Variants in EFCAB5 observed in about 807,000 individuals in gnomAD.
The protein encoded by EFCAB5 is EF-hand calcium binding domain 5, also known as EF-hand calcium-binding domain-containing protein 5.
Under a neutral mutation model 167.9 loss-of-function variants are expected in EFCAB5, and 131 were observed. The ratio of observed to expected loss-of-function variants is 0.78; its 90% CI spans 0.68 to 0.90. The LOEUF (loss-of-function observed/expected upper bound fraction) is 0.90. Among genes scored for constraint, EFCAB5 ranks in the 40% least tolerant of loss-of-function variants. EFCAB5 has a pLI of 0.00. For synonymous variants in EFCAB5, 574 were observed against 602.8 expected (o/e 0.95, Z 0.70); for missense variants, 1,663 against 1,745.2 (o/e 0.95, Z 0.84).
In EFCAB5 at chr17:30,083,002, A is replaced by G. The variant is rs1212291158; in HGVS notation, c.3538A>G (p.Thr1180Ala). ...GCTTTATGACGTCACATCCAGCATC[A>G]CCTCCATCACTACGTACTTTGTAGA... ...GWLYDVTSSI[T>A]SITTYFVEPS... Residue 1180 changes from threonine to alanine, a missense_variant, in exon 18 of 23, where the codon ACC becomes GCC. Coordinates refer to ENST00000394835, the MANE Select transcript of EFCAB5 (RefSeq NM_198529.4). 2 of 1,613,734 alleles carry G rather than the reference A, an allele frequency of 1.2e-6. No individual in the cohort carries two copies. Among genetic ancestry groups the G allele is most frequent in the African/African-American group, 2.7e-5 (2 of 74,846 alleles).
Position 30,053,436 on chromosome 17 carries a change from C to T in EFCAB5, c.1482C>T (p.Asn494=), listed in dbSNP as rs530760930. The change falls in exon 10 of 23, where the codon AAC becomes AAT. Residue 494 remains asparagine (N), a synonymous_variant. Coordinates refer to ENST00000394835, the MANE Select transcript of EFCAB5 (RefSeq NM_198529.4). The stretch of plus-strand genomic sequence containing the variant: ...AAAGTCCAGATCAACCTAAACTTAA[C>T]GAACAGAGAACATCAACACCATCAC... ...LLESPDQPKL[N]EQRTSTPSPN... 2.7e-5 allele frequency: 44 copies of T among 1,613,888 alleles called. No homozygotes were observed. Among genetic ancestry groups the T allele is most frequent in the Admixed American group, 1.8e-4 (11 of 60,014 alleles).
intron 22 of EFCAB5, among the ~76,000 whole-genome samples, chr17:30,098,311 G>A (rs2071332701): frequency 1.3e-5 from 2 of 151,380 alleles, no homozygotes; most frequent in Non-Finnish European, 2.9e-5. Context: ...GATCGCTTGA[G>A]CCCAGGAGTT....
chr17:30,092,095 T>G lies in EFCAB5; in HGVS notation c.4162T>G (p.Leu1388Val). The stretch of plus-strand genomic sequence containing the variant: ...GCGTGACATCCTGAAGGCGGTTATC[T>G]TGTTCTTTCATCCAGAGTTGGAATT... Reference protein sequence around the residue: ...LVRDILKAVILFFHPELEFSS... With the variant: ...LVRDILKAVIVFFHPELEFSS... The change falls in exon 21 of 23, where the codon TTG (leucine) becomes GTG (valine). Residue 1388 changes from leucine (L) to valine (V), a missense_variant. Physicochemically the swap from Leu to Val is conservative, Grantham distance 32. Transcript: ENST00000394835. 1 of 1,614,014 alleles carries G rather than the reference T, an allele frequency of 6.2e-7. No individual in the cohort carries two copies. The highest frequency in any genetic ancestry group is 8.5e-7 in the Non-Finnish European group (1 of 1,179,880).
intron 3 of EFCAB5, among the ~76,000 whole-genome samples, chr17:29,965,409 G>A (rs371027540): frequency 1.3e-5 from 2 of 152,030 alleles, no homozygotes; most frequent in East Asian, 3.9e-4. Flanking sequence ...ATTTTATATG[G>A]TATCTATTTT....
intron 4 of EFCAB5, among the ~76,000 whole-genome samples, chr17:29,974,359 C>T (rs1177342173): frequency 6.6e-6 from 1 of 151,584 alleles, no homozygotes; most frequent in African/African-American, 2.4e-5. Context: ...GGCAACATAG[C>T]AAGACCCCGT....
intron 7 of EFCAB5, among the ~76,000 whole-genome samples, chr17:30,030,578 G>T (rs2069453364): frequency 6.6e-6 from 1 of 152,098 alleles, no homozygotes; most frequent in Admixed American, 6.6e-5. Context: ...CCTGACTTCA[G>T]GTGATCCGCC....
intron 3 of EFCAB5, among the ~76,000 whole-genome samples, chr17:29,966,507 G>A (rs775741849): frequency 6.6e-6 from 1 of 152,122 alleles, no homozygotes; most frequent in Admixed American, 6.5e-5. Flanking sequence ...GGGCATGGTG[G>A]CATGCACCTG....
chr17:30,056,104 A>G lies in EFCAB5; in HGVS notation c.2313A>G (p.Thr771=). 1 of 1,612,574 alleles carries G rather than the reference A, an allele frequency of 6.2e-7. No individual in the cohort carries two copies. Reference sequence around the variant, plus strand: ...GTAACTGGAAAATGAAGTATGTCACATTTGAAGATGAGGAACAGGCAAACT... The same window carrying G: ...GTAACTGGAAAATGAAGTATGTCACGTTTGAAGATGAGGAACAGGCAAACT... ...FTCNWKMKYV[T]FEDEEQANLI... The change falls in exon 12 of 23, where the codon ACA becomes ACG. Residue 771 remains threonine, a synonymous_variant. Coordinates refer to ENST00000394835, the MANE Select transcript of EFCAB5 (RefSeq NM_198529.4).
intron 2 of EFCAB5, among the ~76,000 whole-genome samples, chr17:29,942,771 A>T (rs2067318673): frequency 6.6e-6 from 1 of 152,114 alleles, no homozygotes; most frequent in East Asian, 1.9e-4. Flanking sequence ...TTGATTGTCG[A>T]TGGCTCACAC....
chr17:29,968,723 A>G (rs2067884923), intron 3 of EFCAB5, 68 bp from the exon 4 acceptor site: 1 of 1,300,212 alleles, frequency 7.7e-7, no homozygotes, highest in African/African-American at 1.5e-5. Flanking sequence ...TTCAAATATT[A>G]TTCTAAAGTC....
chr17:30,002,779 C>T (rs1320366907), intron 7 of EFCAB5, among the ~76,000 whole-genome samples: 1 of 152,134 alleles, frequency 6.6e-6, no homozygotes, highest in Non-Finnish European at 1.5e-5. Flanking sequence ...ATTAGTTTTA[C>T]ATTGTCTGAG....
At chr17:30,031,389 C>A (rs1174515346) in intron 7 of EFCAB5, among the ~76,000 whole-genome samples, 5 of 152,158 alleles carry the variant, frequency 3.3e-5, no homozygotes, top group Non-Finnish European at 7.4e-5. Context: ...ACTTTGAGAA[C>A]CGCTGATCTT....
In EFCAB5 at chr17:30,078,381, C is replaced by T; in HGVS notation, c.2904C>T (p.Ser968=). Residue 968 remains serine (S), a synonymous_variant, in exon 15 of 23, where the codon AGC becomes AGT. Coordinates refer to ENST00000394835, the MANE Select transcript of EFCAB5 (RefSeq NM_198529.4). Reference sequence around the variant, plus strand: ...TTCTGATGAATGCTTTAGAGAGGAGCCACATTGAGAGTCTGAGGAATTCTG... The same window carrying T: ...TTCTGATGAATGCTTTAGAGAGGAGTCACATTGAGAGTCTGAGGAATTCTG... ...VEFLMNALER[S]HIESLRNSAR... 6.2e-7 allele frequency: 1 copy of T among 1,613,940 alleles called. No individual in the cohort carries two copies. The highest frequency in any genetic ancestry group is 8.5e-7 in the Non-Finnish European group (1 of 1,179,888).
chr17:30,064,861 C>G (rs980366642), intron 14 of EFCAB5, among the ~76,000 whole-genome samples: 2 of 152,144 alleles, frequency 1.3e-5, no homozygotes, highest in African/African-American at 4.8e-5. Context: ...AGAATAGCAA[C>G]AGATTTTGTT....
In EFCAB5 at chr17:30,090,587, C is replaced by A. The variant is rs1323927008; in HGVS notation, c.3850C>A (p.Leu1284Ile). 6.2e-7 allele frequency: 1 copy of A among 1,613,772 alleles called. No homozygotes were observed. The highest frequency in any genetic ancestry group is 1.3e-5 in the African/African-American group (1 of 74,906). Residue 1284 changes from leucine (L) to isoleucine (I), a missense_variant, in exon 20 of 23, where the codon CTA (leucine) becomes ATA (isoleucine). By Grantham distance (5) the Leu-to-Ile change is conservative. Coordinates refer to ENST00000394835, the MANE Select transcript of EFCAB5 (RefSeq NM_198529.4). Reference sequence around the variant, plus strand: ...GTTGTTGTGTCAAGAATATAAAGATCTACAGAAAATGATGAAAGTGGTCCA... The same window carrying A: ...GTTGTTGTGTCAAGAATATAAAGATATACAGAAAATGATGAAAGTGGTCCA... ...RMLLCQEYKD[L>I]QKMMKVVQVA...
chr17:30,070,558 A>G (rs1304104309), intron 14 of EFCAB5, among the ~76,000 whole-genome samples: 1 of 152,248 alleles, frequency 6.6e-6, no homozygotes, highest in Non-Finnish European at 1.5e-5. Context: ...CTGATTTTCA[A>G]CAAAGGTACC....
chr17:30,009,182 A>G (rs1016582819), intron 7 of EFCAB5, among the ~76,000 whole-genome samples: 1 of 152,210 alleles, frequency 6.6e-6, no homozygotes, highest in African/African-American at 2.4e-5. Context: ...CTTTTCCCAT[A>G]TAAGGAAGCA....
At chr17:29,950,381 A>G (rs1438878030) in intron 3 of EFCAB5, among the ~76,000 whole-genome samples, 1 of 149,956 alleles carries the variant, frequency 6.7e-6, no homozygotes, top group East Asian at 2.0e-4. Context: ...TCTTTTTTAA[A>G]AAAATACAGA....
At chr17:29,986,636 C>CTTTT (rs1196821046) in intron 4 of EFCAB5, among the ~76,000 whole-genome samples, 8 of 87,976 alleles carry the variant, frequency 9.1e-5, no homozygotes, top group African/African-American at 4.4e-4. Context: ...GGAGTATATT[C>CTTTT]ATTTTTTTTT....
Sources: gnomAD v4.1 joint callset for allele counts (sites outside exome capture counted in the v4.1 genomes callset) on GRCh38, gnomAD v4.1.1 for gene constraint, MANE v1.5 for transcripts, NCBI Gene and HGNC (gene_info 2026-07-23, HGNC 2026-07-21) for gene names.